SHROOM2: variants seen among roughly 807,000 people sequenced by gnomAD.
SHROOM2 encodes shroom family member 2.
SHROOM2 carries 33 observed loss-of-function variants against 75.9 expected under a neutral mutation model. The observed-to-expected ratio is 0.43, with a 90% CI of 0.33 to 0.58. The LOEUF is 0.58. Among genes scored for constraint, SHROOM2 ranks in the 20% least tolerant of loss-of-function variants. The pLI is 0.04. For missense variants in SHROOM2, 1,434 were observed against 1,461.2 expected (o/e 0.98, Z 0.30); for synonymous variants, 655 against 663.6 (o/e 0.99, Z 0.20).
At chrX:9,933,016 G>A (rs2084666721) in intron 6 of SHROOM2, 146 bp downstream of exon 6, 3 of 472,758 alleles carry the variant, frequency 6.3e-6, no homozygotes, top group African/African-American at 2.5e-5. Context: ...ATAACTGTGT[G>A]GACAGAAAGT....
intron 1 of SHROOM2, chrX:9,818,742 G>T: frequency 4.3e-6 from 2 of 459,971 alleles, no homozygotes; most frequent in Non-Finnish European, 7.8e-6. Flanking sequence ...CAATTTCTTT[G>T]TCACATAAAT....
At chrX:9,864,619 C>T (rs113373428) in intron 1 of SHROOM2, among the ~76,000 whole-genome samples, 1 of 108,301 alleles carries the variant, frequency 9.2e-6, no homozygotes, top group Non-Finnish European at 1.9e-5. Context: ...GAGATCGAGA[C>T]CATCCCGGCT....
At chrX:9,934,961 C>T (rs997726809) in intron 6 of SHROOM2, among the ~76,000 whole-genome samples, 22 of 110,612 alleles carry the variant, frequency 2.0e-4, no homozygotes, top group East Asian at 8.5e-4. Context: ...TTAGTAGAGA[C>T]GGGGTTTCAC....
In SHROOM2 at chrX:9,939,311, A is replaced by G; in HGVS notation, c.4256A>G (p.Gln1419Arg). The G allele has an allele frequency of 8.3e-7, 1 of 1,210,451 alleles. No individual in the cohort carries two copies. Among genetic ancestry groups the G allele is most frequent in the Non-Finnish European group, 1.1e-6 (1 of 894,738 alleles). Residue 1419 changes from glutamine to arginine, a missense_variant, in exon 8 of 10, where the codon CAG (glutamine) becomes CGG (arginine). By Grantham distance (43) the Gln-to-Arg change is conservative. Transcript: ENST00000380913. Reference sequence around the variant, plus strand: ...AAGATGAAGGACCTGCAGGAGCAGCAGGAGCACGAAGAGGATTCGGGAAGC... The same window carrying G: ...AAGATGAAGGACCTGCAGGAGCAGCGGGAGCACGAAGAGGATTCGGGAAGC... ...LIKMKDLQEQ[Q>R]EHEEDSGSDL... is the part of the protein sequence containing the mutation.
chrX:9,807,282 C>G (rs1323631918), intron 1 of SHROOM2, among the ~76,000 whole-genome samples: 1 of 112,226 alleles, frequency 8.9e-6, no homozygotes, highest in Non-Finnish European at 1.9e-5. Context: ...TGAAAGGGCG[C>G]TCATCCTTCC....
At chrX:9,880,394 G>A (rs1380591466) in intron 2 of SHROOM2, among the ~76,000 whole-genome samples, 2 of 113,311 alleles carry the variant, frequency 1.8e-5, no homozygotes, top group East Asian at 5.5e-4. Context: ...TGTCCATCCC[G>A]TCCTTGGCTG....
intron 5 of SHROOM2, among the ~76,000 whole-genome samples, chrX:9,919,609 C>T (rs753544602): frequency 9.1e-6 from 1 of 110,013 alleles, no homozygotes; most frequent in Admixed American, 9.8e-5. Context: ...GGATTACAGG[C>T]GTGAACCACC....
chrX:9,895,626 A>G lies in SHROOM2; in HGVS notation c.1718A>G (p.Asp573Gly), dbSNP rs1261625878. 3.4e-6 allele frequency: 4 copies of G among 1,162,806 alleles called. No homozygotes were observed. Among genetic ancestry groups the G allele is most frequent in the African/African-American group, 3.6e-5 (2 of 56,170 alleles). ...CTGGCAGCCAGCATCACGTGGGCAG[A>G]TGGGGAGAGCAGCAGGATCTGCCCG... ...QRLAASITWA[D>G]GESSRICPQE... is the part of the protein sequence containing the mutation. The change falls in exon 4 of 10, where the codon GAT becomes GGT. Residue 573 changes from aspartate to glycine, a missense_variant. Asp to Gly is a moderately conservative substitution (Grantham distance 94). Transcript: ENST00000380913.
At chrX:9,818,849 CT>C (rs1322166114) in intron 1 of SHROOM2, 2 of 510,934 alleles carry the variant, frequency 3.9e-6, no homozygotes, top group African/African-American at 4.8e-5. Flanking sequence ...AGTATCAGAA[CT>C]TTTGCATGAT....
At chrX:9,875,081 A>C (rs1297648331) in intron 2 of SHROOM2, among the ~76,000 whole-genome samples, 1 of 46,816 alleles carries the variant, frequency 2.1e-5, no homozygotes, top group Non-Finnish European at 3.1e-5. Flanking sequence ...ACCCTGTCTC[A>C]AAAAAAAAAA....
intron 2 of SHROOM2, among the ~76,000 whole-genome samples, chrX:9,890,360 C>G (rs950838662): frequency 8.9e-6 from 1 of 112,817 alleles, no homozygotes; most frequent in Non-Finnish European, 1.9e-5. Context: ...AAGTGAGACT[C>G]TGTCTCAAAA....
intron 1 of SHROOM2, among the ~76,000 whole-genome samples, chrX:9,820,144 T>G (rs1411515626): frequency 9.7e-6 from 1 of 103,371 alleles, no homozygotes; most frequent in Non-Finnish European, 2.0e-5. Flanking sequence ...ATTATGTTTT[T>G]CGAGCCTCAA....
intron 1 of SHROOM2, among the ~76,000 whole-genome samples, chrX:9,855,158 G>A (rs12395621): frequency 0.023 from 2,510 of 107,595 alleles, 84 homozygotes; most frequent in African/African-American, 0.08. Flanking sequence ...CGGGGAGTTG[G>A]GGGTAGAGGG....
rs187601712 is a variant in SHROOM2 at position 9,949,061 on chromosome X, C to T, written c.*2124C>T. 3.6e-3 allele frequency: 740 copies of T among 207,120 alleles called. 1 individual carries two copies. Among genetic ancestry groups the T allele is most frequent in the Middle Eastern group, 0.011 (6 of 539 alleles). 17.1% of individuals were successfully genotyped at this position (207,120 alleles called of 1,213,427 possible). A position where few individuals can be genotyped will look rare whatever the true frequency, so the allele number is the denominator to read the frequency against. On this transcript the variant is annotated 3_prime_UTR_variant, in exon 10 of 10. Coordinates refer to ENST00000380913, the MANE Select transcript of SHROOM2 (RefSeq NM_001649.4). ...GGACTTTCTCTTCTACACAGCAATA[C>T]GTCGTGCTCGAGTATCCTTGTAGCA...
intron 1 of SHROOM2, among the ~76,000 whole-genome samples, chrX:9,835,594 C>T (rs145749294): frequency 8.0e-5 from 9 of 112,760 alleles, no homozygotes; most frequent in African/African-American, 2.6e-4. Flanking sequence ...TTAGCACCAG[C>T]GTGGGCCAGG....
At chrX:9,891,482 TA>T (rs745615886) in intron 3 of SHROOM2, among the ~76,000 whole-genome samples, 1 of 112,513 alleles carries the variant, frequency 8.9e-6, no homozygotes, top group African/African-American at 3.2e-5. Flanking sequence ...GTATATCTTG[TA>T]AAAGCTCCCA....
At chrX:9,811,797 T>C (rs949831425) in intron 1 of SHROOM2, among the ~76,000 whole-genome samples, 1 of 111,749 alleles carries the variant, frequency 8.9e-6, no homozygotes, top group African/African-American at 3.3e-5. Flanking sequence ...AGTCTTCTCT[T>C]CCTCTGTCAG....
At position 9,946,932 on chromosome X, in the gene SHROOM2, A is replaced by G; in HGVS notation, c.4846A>G (p.Lys1616Glu). ...LLDSLQPERG[K>E] ...GGACAGCCTTCAGCCCGAAAGGGGCAAATAAGAGACCAGTCCCCGGTGGAG... is the reference window on the plus strand; with the variant it reads ...GGACAGCCTTCAGCCCGAAAGGGGCGAATAAGAGACCAGTCCCCGGTGGAG... Residue 1616 changes from lysine to glutamate, a missense_variant, in exon 10 of 10, where the codon AAA becomes GAA. This residue lies in a region of SHROOM2 where 80 missense variants were observed against 88.4 expected (regional missense o/e 0.90). Transcript: ENST00000380913. The G allele has an allele frequency of 8.4e-7, 1 of 1,193,976 alleles. No homozygotes were observed. Among genetic ancestry groups the G allele is most frequent in the Non-Finnish European group, 1.1e-6 (1 of 885,938 alleles).
chrX:9,818,919 A>G, intron 1 of SHROOM2: 1 of 553,208 alleles, frequency 1.8e-6, no homozygotes, highest in Non-Finnish European at 3.3e-6. Flanking sequence ...CCCCCCAGTC[A>G]TCCTCCTCTT....
Sources: allele counts gnomAD v4.1 joint callset (sites outside exome capture counted in the v4.1 genomes callset), GRCh38; gene constraint gnomAD v4.1.1; regional missense constraint gnomAD v4.1.1; transcripts MANE v1.5; gene names NCBI Gene and HGNC (gene_info 2026-07-23, HGNC 2026-07-21).